LRPAP1: variants seen among roughly 807,000 people sequenced by gnomAD.
LRPAP1 encodes alpha-2-macroglobulin receptor-associated protein.
Under a neutral mutation model 39.9 loss-of-function variants are expected in LRPAP1, and 41 were observed. The ratio of observed to expected loss-of-function variants is 1.03; its 90% CI spans 0.80 to 1.33. The LOEUF (loss-of-function observed/expected upper bound fraction) is 1.33. LRPAP1 is among the 40% of genes most tolerant of loss of function. The probability of loss-of-function intolerance (pLI) is 0.00; values close to 1 mark genes in which losing one functional copy is unlikely to be tolerated. For synonymous variants in LRPAP1, 263 were observed against 212.7 expected (o/e 1.24, Z -2.06); for missense variants, 565 against 482.3 (o/e 1.17, Z -1.61).
chr4:3,532,419 C>T lies in LRPAP1; in HGVS notation c.-7G>A. ...TGACCCTCCGCGGCGCCATCTTCCT[C>T]TGCGACTGGCGCTGCGCGGAGAAAA... On this transcript the variant is annotated 5_prime_UTR_variant, in exon 1 of 8. Transcript: ENST00000650182. 1 of 1,555,584 alleles carries T rather than the reference C, an allele frequency of 6.4e-7. No individual in the cohort carries two copies. The highest frequency in any genetic ancestry group is 8.7e-7 in the Non-Finnish European group (1 of 1,153,346).
At chr4:3,515,918 T>C (rs1042700861) in intron 6 of LRPAP1, 198 bp downstream of exon 6, 11 of 610,860 alleles carry the variant, frequency 1.8e-5, no homozygotes, top group South Asian at 7.9e-5. Context: ...CTCCAGAGCC[T>C]GGCCCCGCCC....
intron 2 of LRPAP1, among the ~76,000 whole-genome samples, chr4:3,522,765 G>A (rs1309458064): frequency 1.3e-5 from 2 of 151,952 alleles, no homozygotes; most frequent in Non-Finnish European, 2.9e-5. Context: ...GGAGTGAAGT[G>A]GCCCTGGGGG....
chr4:3,528,255 AG>A (rs2108697717), intron 1 of LRPAP1, among the ~76,000 whole-genome samples: 1 of 152,334 alleles, frequency 6.6e-6, no homozygotes, highest in East Asian at 1.9e-4. Flanking sequence ...ATCAACAACC[AG>A]GGTATACATG....
intron 1 of LRPAP1, among the ~76,000 whole-genome samples, chr4:3,525,966 G>A (rs2237010): frequency 0.41 from 61,679 of 152,114 alleles, 13,188 homozygotes; most frequent in East Asian, 0.62. Context: ...AGAGGCGTGC[G>A]CTGGGGCAGG....
chr4:3,527,212 A>C (rs1305956690), intron 1 of LRPAP1, among the ~76,000 whole-genome samples: 1 of 151,178 alleles, frequency 6.6e-6, no homozygotes, highest in Admixed American at 6.6e-5. Flanking sequence ...CCTCTTCCCC[A>C]GCCAGCCCCA....
chr4:3,512,824 G>T lies in LRPAP1; in HGVS notation c.*150C>A. 1.6e-6 allele frequency: 1 copy of T among 642,330 alleles called. No homozygotes were observed. Among genetic ancestry groups the T allele is most frequent in the Non-Finnish European group, 2.7e-6 (1 of 372,860 alleles). 39.8% of individuals were successfully genotyped at this position (642,330 alleles called of 1,614,324 possible). On this transcript the variant is annotated 3_prime_UTR_variant, in exon 8 of 8. Coordinates refer to ENST00000650182, the MANE Select transcript of LRPAP1 (RefSeq NM_002337.4). ...CAAGCCCTGTGTCGCGACGGCAGCGGCTGCAGTCACCAGAAACAATCCTTC... is the reference window on the plus strand; with the variant it reads ...CAAGCCCTGTGTCGCGACGGCAGCGTCTGCAGTCACCAGAAACAATCCTTC...
chr4:3,530,827 G>A (rs1730228253), intron 1 of LRPAP1, among the ~76,000 whole-genome samples: 1 of 152,194 alleles, frequency 6.6e-6, no homozygotes, highest in Non-Finnish European at 1.5e-5. Context: ...GAAGACTTGG[G>A]CCAGCACCCA....
chr4:3,521,276 C>T (rs1729901523), intron 2 of LRPAP1, among the ~76,000 whole-genome samples: 1 of 152,236 alleles, frequency 6.6e-6, no homozygotes, highest in Non-Finnish European at 1.5e-5. Context: ...GAGTAGGCCT[C>T]TCCCAAGATG....
At chr4:3,525,456 T>TG (rs1413875216) in intron 1 of LRPAP1, among the ~76,000 whole-genome samples, 1 of 128,122 alleles carries the variant, frequency 7.8e-6, no homozygotes, top group Admixed American at 7.8e-5. Context: ...GAAGTTCTTT[T>TG]TTAAAAAAAA....
Position 3,518,124 on chromosome 4 carries a change from G to A in LRPAP1, c.661C>T (p.His221Tyr), listed in dbSNP as rs774775147. Residue 221 changes from histidine to tyrosine, a missense_variant, in exon 5 of 8, where the codon CAC (histidine) becomes TAC (tyrosine). By Grantham distance (83) the His-to-Tyr change is moderately conservative. Transcript: ENST00000650182. ...DIKGSVLHSR[H>Y]TELKEKLRSI... ...CGCAGCTTCTCCTTCAGCTCCGTGT[G>A]CCTGCTGTGCAGGACGCTGCCCTTG... 6.2e-7 allele frequency: 1 copy of A among 1,613,646 alleles called. No homozygotes were observed. Among genetic ancestry groups the A allele is most frequent in the Non-Finnish European group, 8.5e-7 (1 of 1,179,988 alleles).
At position 3,518,983 on chromosome 4, in the gene LRPAP1, G is replaced by A. The variant is rs752067923; in HGVS notation, c.480C>T (p.Thr160=). The A allele has an allele frequency of 8.7e-6, 14 of 1,613,852 alleles. No individual in the cohort carries two copies. The East Asian group carries it at 2.5e-4, about 28-fold the overall frequency. The change falls in exon 4 of 8, where the codon ACC becomes ACT. Residue 160 remains threonine, a synonymous_variant. Coordinates refer to ENST00000650182, the MANE Select transcript of LRPAP1 (RefSeq NM_002337.4). ...RLEKLWHKAK[T]SGKFSGEELD... is the part of the protein sequence containing the mutation. ...GTTCTTCGCCGGAGAATTTCCCAGAGGTCTTCGCCTAAGAGGGAAACAAGG... is the reference window on the plus strand; with the variant it reads ...GTTCTTCGCCGGAGAATTTCCCAGAAGTCTTCGCCTAAGAGGGAAACAAGG...
rs762417810 is a variant in LRPAP1, at chr4:3,532,374, G to A, written c.39C>T (p.Leu13=). 4 of 1,592,482 alleles carry A rather than the reference G, an allele frequency of 2.5e-6. No individual in the cohort carries two copies. The highest frequency in any genetic ancestry group is 2.6e-6 in the Non-Finnish European group (3 of 1,170,130). The change falls in exon 1 of 8, where the codon CTC becomes CTT. Residue 13 remains leucine (L), a synonymous_variant. Coordinates refer to ENST00000650182, the MANE Select transcript of LRPAP1 (RefSeq NM_002337.4). ...PRRVRSFLRG[L]PALLLLLLFL... is the part of the protein sequence containing the mutation. ...AGAGCAGCAGCAGTAGCAGCGCCGG[G>A]AGCCCGCGCAGAAACGACCTGACCC...
At chr4:3,531,230 G>A (rs1359824541) in intron 1 of LRPAP1, among the ~76,000 whole-genome samples, 1 of 152,078 alleles carries the variant, frequency 6.6e-6, no homozygotes, top group East Asian at 1.9e-4. Context: ...ATGCCCAGGC[G>A]TCAATCCCCA....
At chr4:3,514,507 C>T (rs760080704) in intron 7 of LRPAP1, among the ~76,000 whole-genome samples, 8 of 152,228 alleles carry the variant, frequency 5.3e-5, no homozygotes, top group Middle Eastern at 3.2e-3. Flanking sequence ...GGCAGTGGCC[C>T]GCCGGGGCCT....
intron 1 of LRPAP1, among the ~76,000 whole-genome samples, chr4:3,530,688 G>A (rs1314199667): frequency 1.3e-5 from 2 of 152,172 alleles, no homozygotes; most frequent in Non-Finnish European, 2.9e-5. Flanking sequence ...AGGGTAGCTG[G>A]ACCAGTGCAG....
At chr4:3,526,466 C>T (rs1310373403) in intron 1 of LRPAP1, among the ~76,000 whole-genome samples, 3 of 152,182 alleles carry the variant, frequency 2.0e-5, no homozygotes, top group Non-Finnish European at 4.4e-5. Context: ...AGCTAGTATC[C>T]AAAGTATGTG....
At chr4:3,525,151 G>C (rs1730043176) in intron 1 of LRPAP1, 100 bp from the exon 2 acceptor site, 16 of 1,405,982 alleles carry the variant, frequency 1.1e-5, no homozygotes, top group Non-Finnish European at 1.6e-5. Context: ...GAGGTTCTGG[G>C]AGACCAGGAA....
chr4:3,518,323 C>A, intron 4 of LRPAP1, 131 bp from the exon 5 acceptor site: 1 of 1,022,926 alleles, frequency 9.8e-7, no homozygotes, highest in South Asian at 1.8e-5. Context: ...GTCCCCCTTC[C>A]GCGGTCCTGC....
In LRPAP1 at chr4:3,518,781, C is replaced by T. The variant is rs1577206550; in HGVS notation, c.592+90G>A. 3 of 878,880 alleles carry T rather than the reference C, an allele frequency of 3.4e-6. No homozygotes were observed. The East Asian group carries it at 8.2e-5, about 24-fold the overall frequency. 54.4% of individuals were successfully genotyped at this position (878,880 alleles called of 1,614,324 possible). A position where few individuals can be genotyped will look rare whatever the true frequency, so the allele number is the denominator to read the frequency against. ...TGTTCCTGAGGGGAGCTGAGGCTGC[C>T]CACTGAGCACAACGAGCCTCAGGTG... On this transcript the variant is annotated intron_variant, in intron 4 of 7. Transcript: ENST00000650182.
Sources: allele counts gnomAD v4.1 joint callset (sites outside exome capture counted in the v4.1 genomes callset), GRCh38; gene constraint gnomAD v4.1.1; transcripts MANE v1.5; gene names NCBI Gene and HGNC (gene_info 2026-07-23, HGNC 2026-07-21).